PPFIA2: variants seen among roughly 807,000 people sequenced by gnomAD.
The protein encoded by PPFIA2 is PPFI scaffold protein A2.
Under a neutral mutation model 175.5 loss-of-function variants are expected in PPFIA2, and 46 were observed. The observed-to-expected ratio is 0.26, with a 90% CI of 0.21 to 0.34. The LOEUF (loss-of-function observed/expected upper bound fraction) is 0.34. PPFIA2 is among the 10% of genes least tolerant of loss of function. The probability of loss-of-function intolerance (pLI) is 1.00; values close to 1 mark genes in which losing one functional copy is unlikely to be tolerated. For missense variants in PPFIA2, 1,179 were observed against 1,506.1 expected (o/e 0.78, Z 3.60); for synonymous variants, 568 against 511.4 (o/e 1.11, Z -1.49).
chr12:81,556,388 T>A (rs191719232), intron 4 of PPFIA2, among the ~76,000 whole-genome samples: 60 of 152,022 alleles, frequency 3.9e-4, no homozygotes, highest in African/African-American at 1.3e-3. Context: ...ACTACATACA[T>A]GTCAAACTTA....
At chr12:81,290,571 T>G (rs1185543721) in intron 24 of PPFIA2, among the ~76,000 whole-genome samples, 2 of 151,780 alleles carry the variant, frequency 1.3e-5, no homozygotes, top group East Asian at 3.9e-4. Context: ...AGTAAAAAGA[T>G]ATATATTCCT....
At chr12:81,404,812 A>C (rs1252674062) in intron 8 of PPFIA2, among the ~76,000 whole-genome samples, 1 of 152,186 alleles carries the variant, frequency 6.6e-6, no homozygotes, top group Non-Finnish European at 1.5e-5. Context: ...AGGAAATGCT[A>C]AACTTAATTT....
intron 5 of PPFIA2, among the ~76,000 whole-genome samples, chr12:81,450,845 T>C (rs2052429549): frequency 6.6e-6 from 1 of 152,198 alleles, no homozygotes; most frequent in South Asian, 2.1e-4. Context: ...CAGTTTCAGC[T>C]TTCTACATGT....
intron 3 of PPFIA2, among the ~76,000 whole-genome samples, chr12:81,717,453 G>A (rs1280632588): frequency 4.0e-5 from 6 of 151,766 alleles, no homozygotes; most frequent in Non-Finnish European, 8.9e-5. Flanking sequence ...ATATTAATGA[G>A]CCTCTTTTTA....
At chr12:81,335,188 G>A (rs1445951473) in intron 21 of PPFIA2, among the ~76,000 whole-genome samples, 1 of 152,116 alleles carries the variant, frequency 6.6e-6, no homozygotes, top group East Asian at 1.9e-4. Context: ...GCAAGATCAA[G>A]TGATAGCTTT....
rs550232489 is a variant in PPFIA2, at chr12:81,597,742, CTATT to C, written c.303+79045_303+79048del. On this transcript the variant is annotated intron_variant, in intron 4 of 32. Coordinates refer to ENST00000549396, the MANE Select transcript of PPFIA2 (RefSeq NM_003625.5). ...AAATTCCTGTGGAAAATTGTGTTCA[CTATT>C]TTTTTTTTTAATTCACAGAGACTCC... 4.0e-4 allele frequency among the ~76,000 whole-genome samples: 13 copies of C among 32,244 alleles called. No homozygotes were observed. In the South Asian group the frequency reaches 0.015, roughly 37 times the overall value. The allele number at this position is 32,244 out of a possible 152,430, so 21.2% of individuals were successfully genotyped here. A position where few individuals can be genotyped will look rare whatever the true frequency, so the allele number is the denominator to read the frequency against.
At chr12:81,518,109 C>A (rs1393140419) in intron 4 of PPFIA2, among the ~76,000 whole-genome samples, 3 of 152,038 alleles carry the variant, frequency 2.0e-5, no homozygotes, top group African/African-American at 7.2e-5. Flanking sequence ...AAACAAAAAA[C>A]AAAACATACA....
At chr12:81,533,729 ATC>A (rs1491027490) in intron 4 of PPFIA2, among the ~76,000 whole-genome samples, 14 of 74,424 alleles carry the variant, frequency 1.9e-4, no homozygotes, top group East Asian at 1.2e-3. Flanking sequence ...CTATCTATCT[ATC>A]TATCTATATA....
intron 8 of PPFIA2, among the ~76,000 whole-genome samples, chr12:81,396,413 G>A (rs1028193443): frequency 2.6e-5 from 4 of 152,042 alleles, no homozygotes; most frequent in African/African-American, 9.7e-5. Flanking sequence ...ACAAAGACTG[G>A]ATGGAAGTGG....
intron 4 of PPFIA2, among the ~76,000 whole-genome samples, chr12:81,662,766 C>A (rs1477570016): frequency 2.0e-5 from 3 of 152,176 alleles, no homozygotes; most frequent in Non-Finnish European, 4.4e-5. Flanking sequence ...GAATTTTCAA[C>A]CAATATCCCT....
At chr12:81,437,093 A>AT (rs1051706987) in intron 7 of PPFIA2, among the ~76,000 whole-genome samples, 3 of 152,166 alleles carry the variant, frequency 2.0e-5, no homozygotes, top group Non-Finnish European at 4.4e-5. Context: ...CCTATAGGAG[A>AT]TTATAATAAT....
chr12:81,582,314 T>C (rs951471320), intron 4 of PPFIA2, among the ~76,000 whole-genome samples: 3 of 151,898 alleles, frequency 2.0e-5, no homozygotes, highest in Non-Finnish European at 4.4e-5. Flanking sequence ...ATAATGCCTG[T>C]GATTTTCTTC....
intron 4 of PPFIA2, among the ~76,000 whole-genome samples, chr12:81,605,952 C>T (rs1170084823): frequency 1.3e-5 from 2 of 151,756 alleles, no homozygotes; most frequent in Non-Finnish European, 2.9e-5. Flanking sequence ...AGTAGTTTTT[C>T]AACCCACGCT....
In PPFIA2 at chr12:81,273,191, A is replaced by G. The variant is rs1055522052; in HGVS notation, c.3310+4126T>C. On this transcript the variant is annotated intron_variant, in intron 28 of 32. Coordinates refer to ENST00000549396, the MANE Select transcript of PPFIA2 (RefSeq NM_003625.5). ...AGATTATAATTCCATCCTTCTTGGAAGTCCACAAATGTCTCTAGAGGAGTA... is the reference window on the plus strand; with the variant it reads ...AGATTATAATTCCATCCTTCTTGGAGGTCCACAAATGTCTCTAGAGGAGTA... Among the ~76,000 whole-genome samples, 6 of 152,214 alleles carry G rather than the reference A, an allele frequency of 3.9e-5. 1 individual carries two copies. Among genetic ancestry groups the G allele is most frequent in the Non-Finnish European group, 7.4e-5 (5 of 68,014 alleles).
rs144616887 is a variant in PPFIA2, at chr12:81,598,834, AATT to A, written c.303+77954_303+77956del. 4.2e-3 allele frequency among the ~76,000 whole-genome samples: 637 copies of A among 152,062 alleles called. 3 individuals are homozygous for A. Among genetic ancestry groups the A allele is most frequent in the African/African-American group, 0.014 (597 of 41,530 alleles). On this transcript the variant is annotated intron_variant, in intron 4 of 32. Transcript: ENST00000549396. ...TATAGAATGTCATGAATACGAATGAAATTATTATTATCTCATTTCCCCATCTTA... is the reference window on the plus strand; with the variant it reads ...TATAGAATGTCATGAATACGAATGAAATTATTATCTCATTTCCCCATCTTA...
chr12:81,353,614 AAT>A (rs1473299147), intron 16 of PPFIA2, among the ~76,000 whole-genome samples: 1 of 152,200 alleles, frequency 6.6e-6, no homozygotes, highest in East Asian at 1.9e-4. Flanking sequence ...CCAAGGTAAC[AAT>A]TACTTTAAAG....
At chr12:81,623,666 C>T (rs762350861) in intron 4 of PPFIA2, among the ~76,000 whole-genome samples, 48 of 151,848 alleles carry the variant, frequency 3.2e-4, no homozygotes, top group Non-Finnish European at 5.3e-4. Flanking sequence ...TTAAACCAGA[C>T]ACTTGAAAGA....
chr12:81,624,627 ATATAT>A (rs1330201864), intron 4 of PPFIA2, among the ~76,000 whole-genome samples: 5 of 146,446 alleles, frequency 3.4e-5, no homozygotes, highest in African/African-American at 1.2e-4. Flanking sequence ...TATATATATA[ATATAT>A]ATTATATATG....
chr12:81,478,315 A>T (rs898490187), intron 4 of PPFIA2, among the ~76,000 whole-genome samples: 1 of 151,732 alleles, frequency 6.6e-6, no homozygotes, highest in African/African-American at 2.4e-5. Flanking sequence ...CTTCTTTATT[A>T]GTCTGGCTAG....
Sources: gnomAD v4.1 joint callset for allele counts (sites outside exome capture counted in the v4.1 genomes callset) on GRCh38, gnomAD v4.1.1 for gene constraint, MANE v1.5 for transcripts, NCBI Gene and HGNC (gene_info 2026-07-23, HGNC 2026-07-21) for gene names.